Variants in CDK19 observed in about 807,000 individuals in gnomAD.
The protein encoded by CDK19 is cyclin-dependent kinase 19.
CDK19 carries 20 observed loss-of-function variants against 68.3 expected under a neutral mutation model. That is an observed-to-expected ratio of 0.29 (90% confidence interval 0.21 to 0.43). CDK19 has a LOEUF of 0.43. Among genes scored for constraint, CDK19 ranks in the 20% least tolerant of loss-of-function variants. CDK19 has a pLI of 1.00. For missense variants in CDK19, 339 were observed against 623.5 expected (o/e 0.54, Z 4.86); for synonymous variants, 221 against 222.8 (o/e 0.99, Z 0.07).
chr6:110,783,864 A>T (rs1197273664), intron 1 of CDK19, among the ~76,000 whole-genome samples: 3 of 152,086 alleles, frequency 2.0e-5, no homozygotes, highest in African/African-American at 7.2e-5. Flanking sequence ...AATCATCAAG[A>T]AATTGAAAAG....
intron 1 of CDK19, among the ~76,000 whole-genome samples, chr6:110,788,589 A>G (rs112883051): frequency 3.3e-5 from 5 of 152,184 alleles, no homozygotes; most frequent in African/African-American, 1.2e-4. Context: ...TTTTTCTCAA[A>G]TCACATTAGA....
rs186329269 is a variant in CDK19 at position 110,635,315 on chromosome 6, T to G, written c.515-3154A>C. Among the ~76,000 whole-genome samples the G allele has an allele frequency of 3.5e-3, 536 of 152,328 alleles. 4 individuals are homozygous for G. The highest frequency in any genetic ancestry group is 6.3e-3 in the Non-Finnish European group (428 of 68,038). On this transcript the variant is annotated intron_variant, in intron 5 of 12. Transcript: ENST00000368911. Reference sequence around the variant, plus strand: ...GAAGGTCTATTTCTCTTTTATTATGTTATCTGGAACAATGTATAATAAACA... The same window carrying G: ...GAAGGTCTATTTCTCTTTTATTATGGTATCTGGAACAATGTATAATAAACA...
chr6:110,788,980 A>G (rs1340259227), intron 1 of CDK19, among the ~76,000 whole-genome samples: 2 of 152,224 alleles, frequency 1.3e-5, no homozygotes, highest in Non-Finnish European at 2.9e-5. Flanking sequence ...AAAATACACA[A>G]GAACCACAAG....
At position 110,679,102 on chromosome 6, in the gene CDK19, AG is replaced by A. The variant is rs1347405727; in HGVS notation, c.205-8562del. 3.9e-5 allele frequency among the ~76,000 whole-genome samples: 6 copies of A among 152,274 alleles called. No individual in the cohort carries two copies. The East Asian group carries it at 1.2e-3, about 29-fold the overall frequency. The stretch of plus-strand genomic sequence containing the variant: ...GGCAGGAGGACCACTCAAGGCCAGG[AG>A]TTTGAGACTAGTCTGGTCACACAGC... On this transcript the variant is annotated intron_variant, in intron 2 of 12. Coordinates refer to ENST00000368911, the MANE Select transcript of CDK19 (RefSeq NM_015076.5).
intron 4 of CDK19, among the ~76,000 whole-genome samples, chr6:110,657,927 C>T (rs935049990): frequency 5.3e-5 from 8 of 152,156 alleles, no homozygotes; most frequent in African/African-American, 1.9e-4. Flanking sequence ...TTAATTCAAA[C>T]TGACAGATAG....
chr6:110,712,155 CA>C (rs763777381), intron 2 of CDK19, among the ~76,000 whole-genome samples: 15 of 152,088 alleles, frequency 9.9e-5, no homozygotes, highest in African/African-American at 1.7e-4. Context: ...GTTCTGAGTT[CA>C]AATAAGTTTG....
intron 1 of CDK19, among the ~76,000 whole-genome samples, chr6:110,760,668 C>T (rs1779170356): frequency 6.6e-6 from 1 of 152,156 alleles, no homozygotes. Flanking sequence ...GTCAAGGCTG[C>T]AGTGAGCTGT....
chr6:110,651,409 A>G (rs960791289), intron 4 of CDK19, among the ~76,000 whole-genome samples: 1 of 152,128 alleles, frequency 6.6e-6, no homozygotes, highest in African/African-American at 2.4e-5. Flanking sequence ...GGTATTGCTT[A>G]TAATTAGAGA....
At chr6:110,795,762 T>C (rs1421111829) in intron 1 of CDK19, among the ~76,000 whole-genome samples, 1 of 152,126 alleles carries the variant, frequency 6.6e-6, no homozygotes, top group Non-Finnish European at 1.5e-5. Flanking sequence ...AAAACTTAAA[T>C]GTTCAACAAG....
intron 1 of CDK19, among the ~76,000 whole-genome samples, chr6:110,763,822 C>T (rs1583047188): frequency 1.3e-5 from 2 of 152,088 alleles, no homozygotes; most frequent in East Asian, 3.8e-4. Context: ...AAACTTTGTT[C>T]ACAGACGACG....
chr6:110,648,384 G>C (rs528239272), intron 4 of CDK19, among the ~76,000 whole-genome samples: 1 of 152,032 alleles, frequency 6.6e-6, no homozygotes, highest in African/African-American at 2.4e-5. Context: ...AGAGTCAACT[G>C]TTTTTCTATA....
At chr6:110,802,589 G>A (rs1013101574) in intron 1 of CDK19, among the ~76,000 whole-genome samples, 1 of 152,112 alleles carries the variant, frequency 6.6e-6, no homozygotes, top group Non-Finnish European at 1.5e-5. Context: ...TCACTATTTG[G>A]TGATGGGTTC....
intron 1 of CDK19, among the ~76,000 whole-genome samples, chr6:110,774,520 C>T (rs9487517): frequency 0.014 from 2,115 of 152,302 alleles, 52 homozygotes; most frequent in African/African-American, 0.048. Context: ...CATCACACTA[C>T]TCAAAATGGG....
chr6:110,625,747 C>A (rs889561883), intron 8 of CDK19, among the ~76,000 whole-genome samples: 1 of 152,034 alleles, frequency 6.6e-6, no homozygotes, highest in African/African-American at 2.4e-5. Flanking sequence ...AACCTTGATA[C>A]CAGCACTGTC....
chr6:110,655,487 G>A (rs1291640577), intron 4 of CDK19, among the ~76,000 whole-genome samples: 1 of 152,022 alleles, frequency 6.6e-6, no homozygotes, highest in African/African-American at 2.4e-5. Flanking sequence ...CATTACCACA[G>A]TCACCTCAAA....
In CDK19 at chr6:110,626,761, T is replaced by C; in HGVS notation, c.860+15A>G. The C allele has an allele frequency of 6.8e-7, 1 of 1,463,032 alleles. No individual in the cohort carries two copies. The highest frequency in any genetic ancestry group is 9.4e-7 in the Non-Finnish European group (1 of 1,062,296). The allele number at this position is 1,463,032 out of a possible 1,614,324, so 90.6% of individuals were successfully genotyped here. A position where few individuals can be genotyped will look rare whatever the true frequency, so the allele number is the denominator to read the frequency against. The stretch of plus-strand genomic sequence containing the variant: ...TAGCAGCACAAAAAGACTAAGACTG[T>C]GTGGAATTACTTACGTTGTTCTTCT... On this transcript the variant is annotated intron_variant, in intron 8 of 12. Transcript: ENST00000368911.
chr6:110,614,748 A>G, intron 12 of CDK19, 82 bp from the exon 13 acceptor site: 1 of 1,423,636 alleles, frequency 7.0e-7, no homozygotes, highest in Non-Finnish European at 9.7e-7. Flanking sequence ...GGATAGAGAT[A>G]TAAGCCGTTT....
chr6:110,773,051 TAA>T (rs202143768), intron 1 of CDK19, among the ~76,000 whole-genome samples: 115 of 132,662 alleles, frequency 8.7e-4, no homozygotes, highest in African/African-American at 1.7e-3. Context: ...CCCCGTCTCT[TAA>T]AAAAAAAAAA....
intron 2 of CDK19, among the ~76,000 whole-genome samples, chr6:110,705,365 G>A (rs75381673): frequency 0.047 from 7,207 of 152,210 alleles, 176 homozygotes; most frequent in Middle Eastern, 0.078. Context: ...AGTATCAGAT[G>A]TGATGAGCTC....
Sources: gnomAD v4.1 joint callset for allele counts (sites outside exome capture counted in the v4.1 genomes callset) on GRCh38, gnomAD v4.1.1 for gene constraint, MANE v1.5 for transcripts, NCBI Gene and HGNC (gene_info 2026-07-23, HGNC 2026-07-21) for gene names.